NCOA2: variants seen among roughly 807,000 people sequenced by gnomAD.
NCOA2 encodes the protein class E basic helix-loop-helix protein 75.
NCOA2 carries 21 observed loss-of-function variants against 145.1 expected under a neutral mutation model. The observed-to-expected ratio is 0.14, with a 90% CI of 0.10 to 0.21. The LOEUF is 0.21. Ranked by LOEUF, NCOA2 falls within the 10% of genes least tolerant of loss-of-function variation. The probability of loss-of-function intolerance (pLI) is 1.00; values close to 1 mark genes in which losing one functional copy is unlikely to be tolerated. For missense variants in NCOA2, 1,472 were observed against 1,837.6 expected, an observed-to-expected ratio of 0.80 and a Z score of 3.64; for synonymous variants, 619 against 637.5, an observed-to-expected ratio of 0.97 and a Z score of 0.44.
intron 20 of NCOA2, 56 bp downstream of exon 20, chr8:70,124,632 G>A: frequency 4.0e-6 from 6 of 1,491,082 alleles, no homozygotes; most frequent in Non-Finnish European, 5.4e-6. Flanking sequence ...TGAAGGTGGG[G>A]GATGTCCTTC....
intron 1 of NCOA2, among the ~76,000 whole-genome samples, chr8:70,349,145 T>G (rs1046510267): frequency 6.6e-6 from 1 of 151,912 alleles, no homozygotes; most frequent in African/African-American, 2.4e-5. Context: ...AGTATTATAT[T>G]TGAGGTAAAA....
At chr8:70,159,240 A>ATTTTTTTTTTTTTTTTTTT (rs1342064441) in intron 10 of NCOA2, among the ~76,000 whole-genome samples, 2 of 92,958 alleles carry the variant, frequency 2.2e-5, no homozygotes, top group African/African-American at 1.1e-4. Flanking sequence ...ATATATATAT[A>ATTTTTTTTTTTTTTTTTTT]TATTTTTTTT....
At chr8:70,448,157 T>C in the NCOA2 span, among the ~76,000 whole-genome samples, 2 of 152,180 alleles carry the variant, frequency 1.3e-5, no homozygotes, top group African/African-American at 4.8e-5. Flanking sequence ...TGGAGGCTAA[T>C]GCTAATTTTT....
intron 2 of NCOA2, among the ~76,000 whole-genome samples, chr8:70,228,363 T>C (rs1820850123): frequency 6.6e-6 from 1 of 152,186 alleles, no homozygotes; most frequent in Non-Finnish European, 1.5e-5. Context: ...TGTCAGAGAC[T>C]GGGGGGACCC....
At chr8:70,131,694 A>C in intron 16 of NCOA2, 143 bp downstream of exon 16, 1 of 882,772 alleles carries the variant, frequency 1.1e-6, no homozygotes, top group Non-Finnish European at 1.7e-6. Flanking sequence ...GGGAGGAAGA[A>C]ACAGGGCCAG....
intron 4 of NCOA2, among the ~76,000 whole-genome samples, chr8:70,175,576 T>C (rs1814738795): frequency 6.6e-6 from 1 of 152,232 alleles, no homozygotes; most frequent in Non-Finnish European, 1.5e-5. Flanking sequence ...CCGGAAGACA[T>C]TTCTTCATAG....
At chr8:70,253,114 G>A (rs185831342) in intron 2 of NCOA2, among the ~76,000 whole-genome samples, 1 of 152,058 alleles carries the variant, frequency 6.6e-6, no homozygotes, top group Non-Finnish European at 1.5e-5. Context: ...ATTTATCCTT[G>A]TAAGGAAGAG....
At chr8:70,424,322 T>C in the NCOA2 span, 1 of 371,580 alleles carries the variant, frequency 2.7e-6, no homozygotes, top group Non-Finnish European at 5.2e-6. Flanking sequence ...TTTCCATCCT[T>C]CTGCCTGTTC....
the NCOA2 span, among the ~76,000 whole-genome samples, chr8:70,416,085 AGAGAAGGCC>A: frequency 3.3e-5 from 5 of 152,208 alleles, no homozygotes; most frequent in Admixed American, 6.5e-5. Flanking sequence ...CAAACTTTGC[AGAGAAGGCC>A]AGTAGGGTGG....
chr8:70,155,606 T>C lies in NCOA2; in HGVS notation c.2394+365A>G, dbSNP rs139912708. ...TAATTCCATGAAATTCAAATTTCAGTGTCTATAAGCAATGTTTTATCGGAG... is the reference window on the plus strand; with the variant it reads ...TAATTCCATGAAATTCAAATTTCAGCGTCTATAAGCAATGTTTTATCGGAG... On this transcript the variant is annotated intron_variant, in intron 11 of 22. Coordinates refer to ENST00000452400, the MANE Select transcript of NCOA2 (RefSeq NM_006540.4). Among the ~76,000 whole-genome samples, 8 of 152,332 alleles carry C rather than the reference T, an allele frequency of 5.3e-5. No homozygotes were observed. In the East Asian group the frequency reaches 1.3e-3, roughly 26 times the overall value.
the NCOA2 span, among the ~76,000 whole-genome samples, chr8:70,419,091 G>A: frequency 6.8e-6 from 1 of 148,072 alleles, no homozygotes; most frequent in Non-Finnish European, 1.5e-5. Context: ...GTGGAATTTT[G>A]TAGGATTTTA....
At chr8:70,419,582 C>T in the NCOA2 span, among the ~76,000 whole-genome samples, 2 of 151,838 alleles carry the variant, frequency 1.3e-5, no homozygotes, top group African/African-American at 4.8e-5. Flanking sequence ...TTTCTTGTCC[C>T]TACTTATTGT....
At chr8:70,447,682 C>CT in the NCOA2 span, among the ~76,000 whole-genome samples, 25,815 of 112,646 alleles carry the variant, frequency 0.23, 3,707 homozygotes, top group East Asian at 0.33. Context: ...TCTTTGTTTT[C>CT]TTTTTTTTTT....
chr8:70,389,283 A>G (rs1219499628), intron 1 of NCOA2, among the ~76,000 whole-genome samples: 2 of 146,188 alleles, frequency 1.4e-5, no homozygotes, highest in African/African-American at 2.5e-5. Context: ...AACAGGCCAA[A>G]TTTTTTTTTT....
At chr8:70,166,428 T>C (rs1813624695) in intron 7 of NCOA2, 138 bp downstream of exon 7, 1 of 1,019,928 alleles carries the variant, frequency 9.8e-7, no homozygotes, top group Non-Finnish European at 1.5e-6. Flanking sequence ...AAAATTTCCA[T>C]CACAAAACAG....
At chr8:70,336,641 G>A (rs1262883496) in intron 1 of NCOA2, among the ~76,000 whole-genome samples, 1 of 151,834 alleles carries the variant, frequency 6.6e-6, no homozygotes, top group Non-Finnish European at 1.5e-5. Flanking sequence ...AGAAAACGGA[G>A]GAAATGCCAC....
intron 9 of NCOA2, among the ~76,000 whole-genome samples, chr8:70,160,920 T>C (rs1299184747): frequency 2.0e-5 from 3 of 152,196 alleles, no homozygotes; most frequent in Non-Finnish European, 2.9e-5. Context: ...ATGACATAAA[T>C]GTAATTTTTT....
At chr8:70,205,928 C>T (rs1347888891) in intron 4 of NCOA2, among the ~76,000 whole-genome samples, 1 of 152,190 alleles carries the variant, frequency 6.6e-6, no homozygotes, top group African/African-American at 2.4e-5. Context: ...CTCCCCTGGG[C>T]ACAATGGCAG....
intron 2 of NCOA2, among the ~76,000 whole-genome samples, chr8:70,277,984 C>G (rs892128357): frequency 6.6e-6 from 1 of 152,072 alleles, no homozygotes; most frequent in South Asian, 2.1e-4. Context: ...GTTGTGCAAC[C>G]AATACCACAA....
Sources: allele counts gnomAD v4.1 joint callset (sites outside exome capture counted in the v4.1 genomes callset), GRCh38; gene constraint gnomAD v4.1.1; transcripts MANE v1.5; gene names NCBI Gene and HGNC (gene_info 2026-07-23, HGNC 2026-07-21).